MICALL2: variants seen among roughly 807,000 people sequenced by gnomAD.
MICALL2 encodes the protein MICAL-like protein 2.
Under a neutral mutation model 91.1 loss-of-function variants are expected in MICALL2, and 111 were observed. The observed-to-expected ratio is 1.22, with a 90% CI of 1.04 to 1.43. The LOEUF is 1.43. MICALL2 is among the 40% of genes most tolerant of loss of function. The probability of loss-of-function intolerance (pLI) is 0.00; values close to 1 mark genes in which losing one functional copy is unlikely to be tolerated. For missense variants in MICALL2, 1,556 were observed against 1,236.0 expected, an observed-to-expected ratio of 1.26 and a Z score of -3.88; for synonymous variants, 694 against 525.3, an observed-to-expected ratio of 1.32 and a Z score of -4.39.
chr7:1,458,236 C>G (rs1014573541), intron 1 of MICALL2, among the ~76,000 whole-genome samples: 42 of 152,212 alleles, frequency 2.8e-4, no homozygotes, highest in Admixed American at 7.2e-4. Flanking sequence ...AGCAAGGACC[C>G]CTCCTCTTAG....
intron 15 of MICALL2, 142 bp from the exon 16 acceptor site, chr7:1,435,289 C>G: frequency 1.3e-6 from 1 of 780,414 alleles, no homozygotes; most frequent in Non-Finnish European, 2.2e-6. Flanking sequence ...GCTGACAGGC[C>G]ACACCTTGGA....
rs555585901 is a variant in MICALL2, at chr7:1,440,801, C to T, written c.1712-117G>A. 1.3e-5 allele frequency: 11 copies of T among 850,914 alleles called. No homozygotes were observed. The African/African-American group carries it at 1.3e-4, about 10-fold the overall frequency. 52.7% of individuals were successfully genotyped at this position (850,914 alleles called of 1,614,324 possible). ...CATAGCCACTCCACCCTCAGACACC[C>T]CCACAGCCAGCCGGCCGGGGGGCAT... On this transcript the variant is annotated intron_variant, in intron 7 of 16. Transcript: ENST00000297508.
chr7:1,437,301 C>G (rs972990630), intron 14 of MICALL2: 2 of 501,230 alleles, frequency 4.0e-6, no homozygotes, highest in African/African-American at 2.1e-5. Flanking sequence ...GTGGGTGCTA[C>G]AAGCATCCTC....
intron 12 of MICALL2, 43 bp downstream of exon 12, chr7:1,438,054 C>A: frequency 6.4e-7 from 1 of 1,563,746 alleles, no homozygotes; most frequent in Non-Finnish European, 8.7e-7. Flanking sequence ...CTGAGGGTGT[C>A]TGTGGGAGTC....
chr7:1,447,158 C>T (rs1780635973), intron 4 of MICALL2, among the ~76,000 whole-genome samples: 1 of 152,150 alleles, frequency 6.6e-6, no homozygotes, highest in African/African-American at 2.4e-5. Flanking sequence ...GAGTGGCAGT[C>T]CAGGCATAGC....
chr7:1,448,542 A>G, intron 3 of MICALL2, 78 bp downstream of exon 3: 1 of 1,526,062 alleles, frequency 6.6e-7, no homozygotes, highest in Non-Finnish European at 9.0e-7. Flanking sequence ...GGACCCCAAA[A>G]AGTCCACAGG....
chr7:1,436,666 G>T (rs1325685069), intron 15 of MICALL2, 76 bp downstream of exon 15: 2 of 1,123,068 alleles, frequency 1.8e-6, no homozygotes, highest in Non-Finnish European at 2.5e-6. Context: ...TACGGGGCTG[G>T]CTGACCCTGA....
rs1584196131 is a variant in MICALL2 at position 1,437,527 on chromosome 7, G to A, written c.2476+8C>T. The A allele has an allele frequency of 2.0e-6, 3 of 1,517,244 alleles. No individual in the cohort carries two copies. The highest frequency in any genetic ancestry group is 1.8e-6 in the Non-Finnish European group (2 of 1,140,380). The allele number at this position is 1,517,244 out of a possible 1,614,324, so 94.0% of individuals were successfully genotyped here. ...TGGGGCCCCTTGGCTGGCGCGCGGG[G>A]GACGCACCGGGCTTGGCCATGAGCC... On this transcript the variant is annotated splice_region_variant and intron_variant, in intron 14 of 16. Transcript: ENST00000297508.
At position 1,445,513 on chromosome 7, in the gene MICALL2, G is replaced by A. The variant is rs945998243; in HGVS notation, c.642-85C>T. On this transcript the variant is annotated intron_variant, in intron 5 of 16. Transcript: ENST00000297508. ...CCACGTGCTCCTGATAGCAGGCATTGCGGACTCCTGTGTCCACTTGCGAGG... is the reference window on the plus strand; with the variant it reads ...CCACGTGCTCCTGATAGCAGGCATTACGGACTCCTGTGTCCACTTGCGAGG... 2.4e-5 allele frequency: 31 copies of A among 1,304,122 alleles called. No homozygotes were observed. In the African/African-American group the frequency reaches 3.7e-4, roughly 16 times the overall value. 80.8% of individuals were successfully genotyped at this position (1,304,122 alleles called of 1,614,324 possible).
At position 1,439,936 on chromosome 7, in the gene MICALL2, G is replaced by T. The variant is rs764938392; in HGVS notation, c.1955C>A (p.Pro652His). Residue 652 changes from proline (P) to histidine (H), a missense_variant, in exon 9 of 17, where the codon CCC becomes CAC. Physicochemically the swap from Pro to His is moderately conservative, Grantham distance 77. Coordinates refer to ENST00000297508, the MANE Select transcript of MICALL2 (RefSeq NM_182924.4). The part of the protein sequence containing the change: ...DRTPRPASPG[P>H]SLPARSPSPP... ...CCGTCCAGGAGTACCTGGGAGGCTG[G>T]GTCCTGGGCTGGCTGGGCGTGGGGT... 21 of 1,472,802 alleles carry T rather than the reference G, an allele frequency of 1.4e-5. No individual in the cohort carries two copies. In the Admixed American group the frequency reaches 5.7e-4, roughly 40 times the overall value. 91.2% of individuals were successfully genotyped at this position (1,472,802 alleles called of 1,614,324 possible).
At chr7:1,438,580 C>T in intron 10 of MICALL2, 1 of 1,422,926 alleles carries the variant, frequency 7.0e-7, no homozygotes, top group Non-Finnish European at 9.2e-7. Flanking sequence ...GTCAGCAACA[C>T]CCCAGCCACC....
chr7:1,446,004 C>G (rs1211243237), intron 5 of MICALL2, among the ~76,000 whole-genome samples: 5 of 146,746 alleles, frequency 3.4e-5, no homozygotes, highest in Admixed American at 6.8e-5. Context: ...GAAGGACAGT[C>G]GGGAGGGCAT....
chr7:1,445,495 C>T, intron 5 of MICALL2, 67 bp from the exon 6 acceptor site: 1 of 1,394,236 alleles, frequency 7.2e-7, no homozygotes, highest in Non-Finnish European at 9.4e-7. Context: ...TCACCACGTG[C>T]TCCTGATAGC....
In MICALL2 at chr7:1,437,977, T is replaced by C; in HGVS notation, c.2315A>G (p.Asp772Gly). The change falls in exon 13 of 17, where the codon GAC (aspartate) becomes GGC (glycine). Residue 772 changes from aspartate (D) to glycine (G), a missense_variant. Physicochemically the swap from Asp to Gly is moderately conservative, Grantham distance 94. Coordinates refer to ENST00000297508, the MANE Select transcript of MICALL2 (RefSeq NM_182924.4). ...EKRLRAAEGD[D>G]AEDSLMVDWF... ...GTCCACCATGAGGCTATCCTCAGCG[T>C]CATCTGGGGAGAGGAGCCAGCTGGG... is the stretch of plus-strand genomic sequence containing the variant. The C allele has an allele frequency of 6.4e-7, 1 of 1,550,590 alleles. No individual in the cohort carries two copies.
At position 1,437,819 on chromosome 7, in the gene MICALL2, C is replaced by T. The variant is rs1310409340; in HGVS notation, c.2402+71G>A. ...CTGAGGCCTGACTCTGCGCTCCTGTCCCCCGCCTGGCCTGCCCAGCCCGCA... is the reference window on the plus strand; with the variant it reads ...CTGAGGCCTGACTCTGCGCTCCTGTTCCCCGCCTGGCCTGCCCAGCCCGCA... On this transcript the variant is annotated intron_variant, in intron 13 of 16. Transcript: ENST00000297508. The T allele has an allele frequency of 4.2e-6, 6 of 1,421,436 alleles. No homozygotes were observed. In the Admixed American group the frequency reaches 9.8e-5, roughly 23 times the overall value. The allele number at this position is 1,421,436 out of a possible 1,614,324, so 88.1% of individuals were successfully genotyped here.
At position 1,445,094 on chromosome 7, in the gene MICALL2, G is replaced by A. The variant is rs758925253; in HGVS notation, c.976C>T (p.Arg326Cys). The A allele has an allele frequency of 5.1e-5, 79 of 1,552,200 alleles. 1 individual carries two copies. Among genetic ancestry groups the A allele is most frequent in the South Asian group, 4.3e-4 (36 of 84,472 alleles). The change falls in exon 6 of 17, where the codon CGC becomes TGC. Residue 326 changes from arginine (R) to cysteine (C), a missense_variant. By Grantham distance (180) the Arg-to-Cys change is radical. Transcript: ENST00000297508. ...VRSPARPSES[R>C]LAPTPTEGKV... ...CCCTCCGTGGGAGTGGGGGCCAGGC[G>A]GCTCTCAGAGGGCCTGGCTGGGCTC...
intron 2 of MICALL2, among the ~76,000 whole-genome samples, chr7:1,449,619 T>C (rs1241053132): frequency 1.3e-5 from 2 of 152,276 alleles, no homozygotes; most frequent in African/African-American, 4.8e-5. Flanking sequence ...TCTTCAGTGC[T>C]GACCACTGTC....
At chr7:1,446,539 G>A (rs1472009908) in intron 5 of MICALL2, 174 bp downstream of exon 5, 21 of 560,510 alleles carry the variant, frequency 3.7e-5, no homozygotes, top group Non-Finnish European at 6.7e-5. Context: ...GGAGGAGAGG[G>A]GAGGAGGCGG....
rs1482816560 is a variant in MICALL2, at chr7:1,445,391, A to T, written c.679T>A (p.Tyr227Asn). 1.3e-6 allele frequency: 2 copies of T among 1,572,666 alleles called. No individual in the cohort carries two copies. The highest frequency in any genetic ancestry group is 1.7e-6 in the Non-Finnish European group (2 of 1,166,094). ...GTGCCCGGCTCTCCTGTGGCCTTGT[A>T]GGCCCCCGAGTGCAGCGTGCAGGAG... is the stretch of plus-strand genomic sequence containing the variant. ...QCSCTLHSGA[Y>N]KATGEPGTFV... The change falls in exon 6 of 17, where the codon TAC becomes AAC. Residue 227 changes from tyrosine (Y) to asparagine (N), a missense_variant. Transcript: ENST00000297508.
Sources: gnomAD v4.1 joint callset for allele counts (sites outside exome capture counted in the v4.1 genomes callset) on GRCh38, gnomAD v4.1.1 for gene constraint, MANE v1.5 for transcripts, NCBI Gene and HGNC (gene_info 2026-07-23, HGNC 2026-07-21) for gene names.